The following GPHN variants were observed in gnomAD, a reference collection of about 807,000 sequenced individuals.
GPHN encodes gephyrin.
Under a neutral mutation model 95.5 loss-of-function variants are expected in GPHN, and 17 were observed. The observed-to-expected ratio is 0.18, with a 90% CI of 0.12 to 0.27. The LOEUF (loss-of-function observed/expected upper bound fraction) is 0.27, where lower values mean the gene tolerates loss of function less well. Ranked by LOEUF, GPHN falls within the 10% of genes least tolerant of loss-of-function variation. The probability of loss-of-function intolerance (pLI) is 1.00; values close to 1 mark genes in which losing one functional copy is unlikely to be tolerated. For missense variants in GPHN, 660 were observed against 978.1 expected (o/e 0.67, Z 4.34); for synonymous variants, 320 against 322.5 (o/e 0.99, Z 0.08).
At chr14:67,611,311 A>C in the GPHN span, 1 of 149,652 alleles carries the variant, frequency 6.7e-6, no homozygotes, top group Non-Finnish European at 1.5e-5. Flanking sequence ...CCCAGGCTGG[A>C]GTGCAGTGGT....
At chr14:66,510,122 T>G (rs2057982674) in intron 1 of GPHN, among the ~76,000 whole-genome samples, 1 of 152,228 alleles carries the variant, frequency 6.6e-6, no homozygotes, top group African/African-American at 2.4e-5. Context: ...TGAAACTGTT[T>G]GGGTATGTGA....
At chr14:66,761,786 A>G (rs1206917560) in intron 2 of GPHN, among the ~76,000 whole-genome samples, 1 of 150,626 alleles carries the variant, frequency 6.6e-6, no homozygotes, top group Non-Finnish European at 1.5e-5. Context: ...TAGCCTCCCC[A>G]GTAGCTGGGA....
the GPHN span, chr14:67,359,729 G>A: frequency 1.9e-6 from 3 of 1,613,376 alleles, no homozygotes; most frequent in Admixed American, 3.3e-5. Context: ...TCGGGTCCCC[G>A]GCCGGGCAAC....
chr14:66,698,324 CT>C (rs750807331), intron 2 of GPHN, among the ~76,000 whole-genome samples: 5 of 152,182 alleles, frequency 3.3e-5, no homozygotes, highest in Admixed American at 6.5e-5. Flanking sequence ...TGGTCTGTCA[CT>C]ATTTTGTAGA....
the GPHN span, among the ~76,000 whole-genome samples, chr14:67,401,349 C>A: frequency 1.3e-5 from 2 of 151,736 alleles, no homozygotes; most frequent in South Asian, 2.1e-4. Flanking sequence ...AATAAATAAA[C>A]AAATAAATAA....
intron 10 of GPHN, among the ~76,000 whole-genome samples, chr14:67,029,316 G>A (rs2074072374): frequency 6.6e-6 from 1 of 151,184 alleles, no homozygotes; most frequent in Non-Finnish European, 1.5e-5. Flanking sequence ...TATACTGGTG[G>A]TACTTCTGGT....
chr14:66,650,951 C>T (rs1324636956), intron 1 of GPHN, among the ~76,000 whole-genome samples: 1 of 152,144 alleles, frequency 6.6e-6, no homozygotes, highest in Non-Finnish European at 1.5e-5. Flanking sequence ...CTGAACTTAA[C>T]AGCATTTTAC....
the GPHN span, among the ~76,000 whole-genome samples, chr14:67,330,724 C>G: frequency 4.0e-5 from 6 of 150,376 alleles, no homozygotes; most frequent in Non-Finnish European, 7.4e-5. Flanking sequence ...TTCCAAAGTG[C>G]TGGGATTATG....
intron 8 of GPHN, among the ~76,000 whole-genome samples, chr14:66,937,887 C>T (rs1221257064): frequency 1.3e-5 from 2 of 152,152 alleles, no homozygotes; most frequent in Non-Finnish European, 2.9e-5. Context: ...CAAGAAACTT[C>T]ACCATCATCA....
chr14:67,615,282 G>A, the GPHN span: 1 of 152,636 alleles, frequency 6.6e-6, no homozygotes, highest in African/African-American at 2.4e-5. Flanking sequence ...TTAAATGCCG[G>A]TTCTGAAAAT....
the GPHN span, chr14:67,691,995 T>C: frequency 6.4e-6 from 1 of 155,968 alleles, no homozygotes; most frequent in East Asian, 1.9e-4. Flanking sequence ...GGTAAACTTC[T>C]TTGTCATGTC....
intron 4 of GPHN, among the ~76,000 whole-genome samples, chr14:66,831,657 C>T (rs2061584934): frequency 6.6e-6 from 1 of 152,086 alleles, no homozygotes. Context: ...GCAAGTTGAC[C>T]TGTTCAAATC....
the GPHN span, among the ~76,000 whole-genome samples, chr14:67,669,864 C>T: frequency 6.6e-6 from 1 of 152,312 alleles, no homozygotes; most frequent in Middle Eastern, 3.4e-3. Flanking sequence ...CTTTAAGAGG[C>T]TGAGGTGGGT....
chr14:66,582,007 G>A (rs2061198637), intron 1 of GPHN, among the ~76,000 whole-genome samples: 1 of 151,930 alleles, frequency 6.6e-6, no homozygotes, highest in South Asian at 2.1e-4. Context: ...TATAGAACTT[G>A]AACTACATCT....
At chr14:67,271,976 C>G in the GPHN span, 1 of 150,354 alleles carries the variant, frequency 6.7e-6, no homozygotes, top group African/African-American at 2.5e-5. Context: ...GAGGCTGAGG[C>G]AAGAGAATCG....
chr14:67,667,513 TA>T, the GPHN span, among the ~76,000 whole-genome samples: 1 of 152,158 alleles, frequency 6.6e-6, no homozygotes, highest in South Asian at 2.1e-4. Context: ...TTGAAAGGGT[TA>T]AAAGAAATAA....
At chr14:67,353,579 C>T in the GPHN span, 1 of 152,212 alleles carries the variant, frequency 6.6e-6, no homozygotes, top group South Asian at 2.1e-4. Context: ...CCTCCACCTC[C>T]CAGGTTCAAG....
chr14:67,127,025 T>G (rs1489285433), intron 17 of GPHN, among the ~76,000 whole-genome samples: 1 of 147,226 alleles, frequency 6.8e-6, no homozygotes, highest in Admixed American at 7.1e-5. Flanking sequence ...ATGTTCTCAC[T>G]CATAGGTGGG....
chr14:67,646,374 C>A, the GPHN span: 1 of 440,960 alleles, frequency 2.3e-6, no homozygotes, highest in Non-Finnish European at 4.1e-6. Context: ...CAGCAGTATT[C>A]CTGCTACTAG....
Sources: allele counts gnomAD v4.1 joint callset (sites outside exome capture counted in the v4.1 genomes callset), GRCh38; gene constraint gnomAD v4.1.1; transcripts MANE v1.5; gene names NCBI Gene and HGNC (gene_info 2026-07-23, HGNC 2026-07-21).